Variants in GRK6 observed in about 807,000 individuals in gnomAD.
The protein encoded by GRK6 is G protein-coupled receptor kinase 6.
Under a neutral mutation model 80.8 loss-of-function variants are expected in GRK6, and 37 were observed. That is an observed-to-expected ratio of 0.46 (90% CI 0.35 to 0.60). The LOEUF (loss-of-function observed/expected upper bound fraction) is 0.60, where lower values mean the gene tolerates loss of function less well. GRK6 is among the 20% of genes least tolerant of loss of function. The pLI, the probability that GRK6 is intolerant of heterozygous loss-of-function variation, is 0.00. For missense variants in GRK6, 560 were observed against 784.6 expected (o/e 0.71, Z 3.42); for synonymous variants, 295 against 320.9 (o/e 0.92, Z 0.86).
intron 11 of GRK6, among the ~76,000 whole-genome samples, chr5:177,435,845 A>G (rs1350354826): frequency 2.0e-5 from 3 of 152,178 alleles, no homozygotes; most frequent in African/African-American, 4.8e-5. Flanking sequence ...CAAAATACAG[A>G]TTTCTGACTT....
chr5:177,438,011 GAC>G (rs1231203556), intron 13 of GRK6, among the ~76,000 whole-genome samples: 2 of 152,206 alleles, frequency 1.3e-5, no homozygotes, highest in African/African-American at 2.4e-5. Flanking sequence ...TCTAGTGGGA[GAC>G]ACACCCAAAC....
chr5:177,429,022 G>A lies in GRK6; in HGVS notation c.53-1850G>A, dbSNP rs567870262. 6.6e-6 allele frequency among the ~76,000 whole-genome samples: 1 copy of A among 152,266 alleles called. No homozygotes were observed. Among genetic ancestry groups the A allele is most frequent in the East Asian group, 1.9e-4 (1 of 5,174 alleles). ...TGTTTGGGGTGGGAAAGGAGCTTGG[G>A]TTGTGGCCATAGGGAGCTGGGTACG... On this transcript the variant is annotated intron_variant, in intron 1 of 15. Transcript: ENST00000355472. This position sits in a 1 kb window ranked among gnomAD's most constrained non-coding sequence, Gnocchi z 4.3.
At position 177,440,805 on chromosome 5, in the gene GRK6, A is replaced by G; in HGVS notation, c.1510A>G (p.Thr504Ala). The change falls in exon 14 of 16, where the codon ACA (threonine) becomes GCA (alanine). Residue 504 changes from threonine to alanine, a missense_variant. Physicochemically the swap from Thr to Ala is moderately conservative, Grantham distance 58. Coordinates refer to ENST00000355472, the MANE Select transcript of GRK6 (RefSeq NM_001004106.3). The part of the protein sequence containing the change: ...TDQDFYQKFA[T>A]GSVPIPWQNE... ...CCAGGACTTCTACCAGAAGTTTGCC[A>G]CAGGCAGTGTGCCCATCCCCTGGCA... 1 of 1,613,990 alleles carries G rather than the reference A, an allele frequency of 6.2e-7. No homozygotes were observed. Among genetic ancestry groups the G allele is most frequent in the Admixed American group, 1.7e-5 (1 of 60,000 alleles).
chr5:177,432,376 C>A (rs1763943846), intron 4 of GRK6, 66 bp downstream of exon 4: 1 of 1,463,192 alleles, frequency 6.8e-7, no homozygotes, highest in Non-Finnish European at 9.6e-7. Context: ...CAGGAGTGAC[C>A]ACAGTGTCAG....
intron 13 of GRK6, 62 bp downstream of exon 13, chr5:177,436,592 T>C (rs1228961917): frequency 2.1e-6 from 3 of 1,458,454 alleles, no homozygotes; most frequent in South Asian, 1.3e-5. Flanking sequence ...CAGGGGCTCT[T>C]GTAGTATCAG....
At chr5:177,430,809 G>A in intron 1 of GRK6, 63 bp from the exon 2 acceptor site, 1 of 1,458,850 alleles carries the variant, frequency 6.9e-7, no homozygotes, top group Non-Finnish European at 9.6e-7. Context: ...GGACCGCACT[G>A]AGGACCCAGA....
rs989731075 is a variant in GRK6 at position 177,427,619 on chromosome 5, T to C, written c.52+722T>C. Among the ~76,000 whole-genome samples, 6 of 152,296 alleles carry C rather than the reference T, an allele frequency of 3.9e-5. No homozygotes were observed. The South Asian group carries it at 8.3e-4, about 21-fold the overall frequency. On this transcript the variant is annotated intron_variant, in intron 1 of 15. Coordinates refer to ENST00000355472, the MANE Select transcript of GRK6 (RefSeq NM_001004106.3). ...ACCCCAGATGTTATCAGGCACTTGCTCTGTGCAGGTCCTGGGAGACACAGA... is the reference window on the plus strand; with the variant it reads ...ACCCCAGATGTTATCAGGCACTTGCCCTGTGCAGGTCCTGGGAGACACAGA...
At chr5:177,433,498 C>T (rs1326397112) in intron 7 of GRK6, 38 bp from the exon 8 acceptor site, 4 of 1,613,054 alleles carry the variant, frequency 2.5e-6, no homozygotes, top group Non-Finnish European at 3.4e-6. Context: ...AGCAATGGCA[C>T]AGCTGGCCCC....
upstream of GRK6, chr5:177,426,387 C>T (rs1434591202): frequency 6.6e-6 from 1 of 152,254 alleles, no homozygotes; most frequent in Non-Finnish European, 1.5e-5. Flanking sequence ...CCTCCATTGT[C>T]CCGGCTGAGG....
Position 177,440,732 on chromosome 5 carries a change from C to T in GRK6, c.1437C>T (p.Asp479=), listed in dbSNP as rs199560460. The T allele has an allele frequency of 1.9e-6, 3 of 1,614,232 alleles. No homozygotes were observed. The highest frequency in any genetic ancestry group is 2.5e-6 in the Non-Finnish European group (3 of 1,180,038). Reference sequence around the variant, plus strand: ...CCATTTACTGCAAGGATGTTCTGGACATTGAACAGTTCTCTACGGTCAAGG... The same window carrying T: ...CCATTTACTGCAAGGATGTTCTGGATATTGAACAGTTCTCTACGGTCAAGG... The part of the protein sequence containing the change: ...PQAIYCKDVL[D]IEQFSTVKGV... Residue 479 remains aspartate, a synonymous_variant, in exon 14 of 16, where the codon GAC becomes GAT. Coordinates refer to ENST00000355472, the MANE Select transcript of GRK6 (RefSeq NM_001004106.3).
chr5:177,430,285 G>A (rs1763830798), intron 1 of GRK6, among the ~76,000 whole-genome samples: 1 of 152,222 alleles, frequency 6.6e-6, no homozygotes, highest in South Asian at 2.1e-4. Flanking sequence ...CTCAGCTGCT[G>A]CAGATGGGGT....
At chr5:177,432,940 T>G in intron 5 of GRK6, 134 bp downstream of exon 5, 2 of 822,120 alleles carry the variant, frequency 2.4e-6, no homozygotes, top group Non-Finnish European at 4.0e-6. Context: ...CCCTGCTGTG[T>G]GACCTGAGCA....
Position 177,433,631 on chromosome 5 carries a change from G to A in GRK6, c.693G>A (p.Ala231=), listed in dbSNP as rs766856261. ...RIKKRKGEAM[A]LNEKQILEKV... is the part of the protein sequence containing the mutation. ...AGAAGCGGAAAGGGGAGGCCATGGCGCTGAACGAGAAGCAGATCCTGGAGA... is the reference window on the plus strand; with the variant it reads ...AGAAGCGGAAAGGGGAGGCCATGGCACTGAACGAGAAGCAGATCCTGGAGA... The change falls in exon 8 of 16, where the codon GCG becomes GCA. Residue 231 remains alanine (A), a synonymous_variant. Coordinates refer to ENST00000355472, the MANE Select transcript of GRK6 (RefSeq NM_001004106.3). 13 of 1,614,014 alleles carry A rather than the reference G, an allele frequency of 8.1e-6. No homozygotes were observed. Among genetic ancestry groups the A allele is most frequent in the Middle Eastern group, 1.6e-4 (1 of 6,084 alleles).
At chr5:177,432,931 C>A in intron 5 of GRK6, 125 bp downstream of exon 5, 1 of 869,974 alleles carries the variant, frequency 1.1e-6, no homozygotes, top group Non-Finnish European at 1.8e-6. Context: ...TGGCCTTGCC[C>A]CTGCTGTGTG....
intron 2 of GRK6, 73 bp downstream of exon 2, chr5:177,431,040 C>A: frequency 7.5e-7 from 1 of 1,332,436 alleles, no homozygotes; most frequent in South Asian, 1.2e-5. Flanking sequence ...TCCCCTGAGA[C>A]CTTGCCCCGG....
intron 13 of GRK6, among the ~76,000 whole-genome samples, chr5:177,439,694 G>A (rs890753795): frequency 6.6e-6 from 1 of 150,774 alleles, no homozygotes; most frequent in Non-Finnish European, 1.5e-5. Flanking sequence ...CCCTCCCGCT[G>A]CTCCTAGCAA....
Position 177,442,501 on chromosome 5 carries a change from G to A in GRK6, c.*711G>A. On this transcript the variant is annotated 3_prime_UTR_variant, in exon 16 of 16. Transcript: ENST00000355472. ...AGCCTGGTCCCTGATACTGGGCTCT[G>A]TCCTGCAGACACCTCTTTCAGAAAC... 1 of 152,870 alleles carries A rather than the reference G, an allele frequency of 6.5e-6. No individual in the cohort carries two copies. Among genetic ancestry groups the A allele is most frequent in the East Asian group, 1.9e-4 (1 of 5,196 alleles). 9.5% of individuals were successfully genotyped at this position (152,870 alleles called of 1,614,324 possible).
chr5:177,436,686 GC>G, intron 13 of GRK6, 156 bp downstream of exon 13: 1 of 760,298 alleles, frequency 1.3e-6, no homozygotes. Context: ...AAAAGGAAAA[GC>G]CCCAGGATGG....
chr5:177,433,478 C>T, intron 7 of GRK6, 58 bp from the exon 8 acceptor site: 1 of 1,612,102 alleles, frequency 6.2e-7, no homozygotes, highest in Non-Finnish European at 8.5e-7. Context: ...GGACCACCCC[C>T]TGGATGCCCA....
Sources: allele counts gnomAD v4.1 joint callset (sites outside exome capture counted in the v4.1 genomes callset), GRCh38; gene constraint gnomAD v4.1.1; non-coding constraint Gnocchi (gnomAD v3.1); transcripts MANE v1.5; gene names NCBI Gene and HGNC (gene_info 2026-07-23, HGNC 2026-07-21).